The following AUTS2 variants were observed in gnomAD, a reference collection of about 807,000 sequenced individuals.
AUTS2 encodes autism susceptibility gene 2 protein.
AUTS2 carries 17 observed loss-of-function variants against 112.4 expected under a neutral mutation model. That is an observed-to-expected ratio of 0.15 (90% CI 0.10 to 0.23). The LOEUF (loss-of-function observed/expected upper bound fraction) is 0.23. AUTS2 is among the 10% of genes least tolerant of loss of function. The pLI is 1.00. For synonymous variants in AUTS2, 751 were observed against 702.7 expected (o/e 1.07, Z -1.09); for missense variants, 1,510 against 1,701.6 (o/e 0.89, Z 1.98).
intron 1 of AUTS2, among the ~76,000 whole-genome samples, chr7:69,774,427 G>A (rs1326210933): frequency 6.6e-6 from 1 of 152,200 alleles, no homozygotes; most frequent in Non-Finnish European, 1.5e-5. Flanking sequence ...ATCTTTTGAT[G>A]TCCGGGATAC....
rs1562760032 is a variant in AUTS2 at position 69,614,379 on chromosome 7, G to C, written c.309+14417G>C. On this transcript the variant is annotated intron_variant, in intron 1 of 18. Coordinates refer to ENST00000342771, the MANE Select transcript of AUTS2 (RefSeq NM_015570.4). Reference sequence around the variant, plus strand: ...TTCTTTCTTTCTTTTTTTAAGAGATGGGATCTCACTCTGTTTCCCAGGCTG... The same window carrying C: ...TTCTTTCTTTCTTTTTTTAAGAGATCGGATCTCACTCTGTTTCCCAGGCTG... Among the ~76,000 whole-genome samples the C allele has an allele frequency of 2.0e-4, 2 of 10,096 alleles. 1 individual carries two copies. Among genetic ancestry groups the C allele is most frequent in the Non-Finnish European group, 4.5e-4 (2 of 4,442 alleles). The allele number at this position is 10,096 out of a possible 152,430, so 6.6% of individuals were successfully genotyped here. A position where few individuals can be genotyped will look rare whatever the true frequency, so the allele number is the denominator to read the frequency against.
At chr7:69,788,128 C>T (rs748905350) in intron 1 of AUTS2, among the ~76,000 whole-genome samples, 17 of 152,134 alleles carry the variant, frequency 1.1e-4, no homozygotes, top group Non-Finnish European at 2.1e-4. Flanking sequence ...CTCTGTACTA[C>T]TTTGTTACCC....
intron 2 of AUTS2, among the ~76,000 whole-genome samples, chr7:69,938,622 C>T (rs968505250): frequency 7.9e-5 from 12 of 152,164 alleles, no homozygotes; most frequent in South Asian, 6.2e-4. Flanking sequence ...CATAGAGGGT[C>T]GGTGTTACAG....
At chr7:70,440,869 G>A (rs1585148211) in intron 5 of AUTS2, among the ~76,000 whole-genome samples, 1 of 152,336 alleles carries the variant, frequency 6.6e-6, no homozygotes. Flanking sequence ...CATCACAGGA[G>A]AGATGTTCTG....
At chr7:70,619,313 C>T (rs963990010) in intron 5 of AUTS2, among the ~76,000 whole-genome samples, 5 of 152,184 alleles carry the variant, frequency 3.3e-5, no homozygotes, top group African/African-American at 1.2e-4. Flanking sequence ...AGACGGGGCG[C>T]GGGAGGATGC....
At chr7:70,277,954 A>ATG (rs1554354124) in intron 4 of AUTS2, among the ~76,000 whole-genome samples, 2 of 140,520 alleles carry the variant, frequency 1.4e-5, no homozygotes, top group East Asian at 2.3e-4. Flanking sequence ...GTGTGTATGT[A>ATG]TGTATGTGTG....
At chr7:69,807,953 T>C (rs1790381183) in intron 1 of AUTS2, among the ~76,000 whole-genome samples, 1 of 150,518 alleles carries the variant, frequency 6.6e-6, no homozygotes, top group African/African-American at 2.4e-5. Context: ...TTTTTTTTTT[T>C]TTTTTTTTGA....
chr7:70,609,765 G>A (rs1269607463), intron 5 of AUTS2, among the ~76,000 whole-genome samples: 6 of 152,164 alleles, frequency 3.9e-5, no homozygotes, highest in African/African-American at 1.4e-4. Flanking sequence ...AGGATCCATT[G>A]TGTATGTGTC....
intron 5 of AUTS2, among the ~76,000 whole-genome samples, chr7:70,678,128 C>A (rs1808018880): frequency 1.3e-5 from 2 of 151,846 alleles, no homozygotes. Context: ...GTAGGTTCTA[C>A]CTTCCCCACG....
chr7:70,556,273 C>T (rs1801246080), intron 5 of AUTS2, among the ~76,000 whole-genome samples: 1 of 152,112 alleles, frequency 6.6e-6, no homozygotes, highest in Non-Finnish European at 1.5e-5. Context: ...GAGAGGTCTG[C>T]CCTCATGACA....
chr7:69,889,729 G>T lies in AUTS2; in HGVS notation c.310-9557G>T, dbSNP rs1368726790. Among the ~76,000 whole-genome samples, 3 of 152,300 alleles carry T rather than the reference G, an allele frequency of 2.0e-5. No individual in the cohort carries two copies. The East Asian group carries it at 5.8e-4, about 29-fold the overall frequency. On this transcript the variant is annotated intron_variant, in intron 1 of 18. Transcript: ENST00000342771. ...TACACATCCTCTCAAATGTGTGCGTGTGTTACTTTAGTGGATTAGATTTAA... is the reference window on the plus strand; with the variant it reads ...TACACATCCTCTCAAATGTGTGCGTTTGTTACTTTAGTGGATTAGATTTAA...
chr7:70,585,779 C>T (rs1170993877), intron 5 of AUTS2, among the ~76,000 whole-genome samples: 3 of 152,138 alleles, frequency 2.0e-5, no homozygotes, highest in African/African-American at 4.8e-5. Context: ...GAATTAGAAT[C>T]TCTTGTTTAA....
At position 70,402,145 on chromosome 7, in the gene AUTS2, C is replaced by T. The variant is rs117731899; in HGVS notation, c.661-33607C>T. ...AAAATAGGATGTTGTGTTTTGGAGG[C>T]ACCTCCAGGGTGCCCAGCAATTGGC... is the stretch of plus-strand genomic sequence containing the variant. On this transcript the variant is annotated intron_variant, in intron 4 of 18. Transcript: ENST00000342771. Among the ~76,000 whole-genome samples the T allele has an allele frequency of 5.2e-3, 791 of 152,358 alleles. 7 individuals are homozygous for T. The highest frequency in any genetic ancestry group is 5.3e-3 in the Non-Finnish European group (359 of 68,026).
At chr7:70,776,667 C>G (rs1790715486) in intron 13 of AUTS2, 1 of 244,430 alleles carries the variant, frequency 4.1e-6, no homozygotes, top group East Asian at 1.4e-4. Context: ...TCTGTACCCT[C>G]TCTTATTTTG....
intron 5 of AUTS2, among the ~76,000 whole-genome samples, chr7:70,624,592 A>G (rs893082200): frequency 6.6e-6 from 1 of 152,122 alleles, no homozygotes; most frequent in African/African-American, 2.4e-5. Flanking sequence ...CCTGGCATAA[A>G]TGACAGGAGG....
chr7:70,578,028 C>T (rs1486246817), intron 5 of AUTS2, among the ~76,000 whole-genome samples: 1 of 152,080 alleles, frequency 6.6e-6, no homozygotes, highest in African/African-American at 2.4e-5. Context: ...GACGGGGTTT[C>T]ACCATGCTAG....
intron 4 of AUTS2, among the ~76,000 whole-genome samples, chr7:70,419,144 T>C (rs1795110478): frequency 6.6e-6 from 1 of 151,014 alleles, no homozygotes. Flanking sequence ...CCTAATATGA[T>C]TTTTTTTAAA....
intron 5 of AUTS2, among the ~76,000 whole-genome samples, chr7:70,692,733 G>C (rs886466258): frequency 6.6e-6 from 1 of 151,500 alleles, no homozygotes; most frequent in Admixed American, 6.6e-5. Context: ...TAGAGGAGGG[G>C]GAAGTATGCC....
At chr7:69,953,041 C>T (rs1302216165) in intron 2 of AUTS2, among the ~76,000 whole-genome samples, 1 of 152,020 alleles carries the variant, frequency 6.6e-6, no homozygotes, top group Non-Finnish European at 1.5e-5. Flanking sequence ...TTTGAATTTC[C>T]CTCCTCCCTC....
Sources: gnomAD v4.1 joint callset for allele counts (sites outside exome capture counted in the v4.1 genomes callset) on GRCh38, gnomAD v4.1.1 for gene constraint, MANE v1.5 for transcripts, NCBI Gene and HGNC (gene_info 2026-07-23, HGNC 2026-07-21) for gene names.